The following KCNQ3 variants were observed in gnomAD, a reference collection of about 807,000 sequenced individuals.
KCNQ3 encodes the protein potassium voltage-gated channel subfamily KQT member 3.
A neutral mutation model predicts 92.5 loss-of-function variants in KCNQ3; 30 were observed. That is an observed-to-expected ratio of 0.32 (90% CI 0.24 to 0.44). The LOEUF (loss-of-function observed/expected upper bound fraction) is 0.44. Among genes scored for constraint, KCNQ3 ranks in the 20% least tolerant of loss-of-function variants. KCNQ3 has a pLI of 1.00. For synonymous variants in KCNQ3, 450 were observed against 468.8 expected (o/e 0.96, Z 0.52); for missense variants, 913 against 1,140.3 (o/e 0.80, Z 2.87).
intron 1 of KCNQ3, among the ~76,000 whole-genome samples, chr8:132,357,063 G>A (rs1819037879): frequency 6.6e-6 from 1 of 152,182 alleles, no homozygotes; most frequent in Non-Finnish European, 1.5e-5. Context: ...AATTCTGGAA[G>A]TTGAGTCACT....
At chr8:132,169,170 C>T (rs1826232348) in intron 8 of KCNQ3, among the ~76,000 whole-genome samples, 2 of 152,146 alleles carry the variant, frequency 1.3e-5, no homozygotes, top group South Asian at 4.1e-4. Flanking sequence ...CAGCCTGGCT[C>T]CAGGTGTGGA....
At chr8:132,147,315 A>T (rs1317192001) in intron 9 of KCNQ3, among the ~76,000 whole-genome samples, 1 of 148,828 alleles carries the variant, frequency 6.7e-6, no homozygotes, top group Non-Finnish European at 1.5e-5. Flanking sequence ...AAGTTGTGCA[A>T]TCACATAGGT....
chr8:132,130,593 T>G (rs924756425), intron 14 of KCNQ3, among the ~76,000 whole-genome samples: 12 of 152,342 alleles, frequency 7.9e-5, no homozygotes, highest in Admixed American at 4.6e-4. Flanking sequence ...AGGCCTGCTG[T>G]GTCCCCTAGA....
At chr8:132,409,173 A>G (rs1301379678) in intron 1 of KCNQ3, among the ~76,000 whole-genome samples, 3 of 152,186 alleles carry the variant, frequency 2.0e-5, no homozygotes, top group Non-Finnish European at 4.4e-5. Flanking sequence ...AGACTACAGC[A>G]ATTCATAGCT....
intron 1 of KCNQ3, among the ~76,000 whole-genome samples, chr8:132,212,326 C>A (rs186009567): frequency 6.6e-6 from 1 of 152,100 alleles, no homozygotes; most frequent in African/African-American, 2.4e-5. Flanking sequence ...CTTAAAGGAG[C>A]GGGCACCTGT....
At chr8:132,384,206 T>C (rs1819834360) in intron 1 of KCNQ3, among the ~76,000 whole-genome samples, 1 of 152,202 alleles carries the variant, frequency 6.6e-6, no homozygotes. Flanking sequence ...TTTGTGTTCT[T>C]ATCTGTTCCC....
chr8:132,202,942 T>C (rs1403229978), intron 1 of KCNQ3, among the ~76,000 whole-genome samples: 1 of 151,256 alleles, frequency 6.6e-6, no homozygotes, highest in Non-Finnish European at 1.5e-5. Flanking sequence ...TTTTGTTTTG[T>C]CATAATAGAA....
chr8:132,329,798 A>C (rs560742848), intron 1 of KCNQ3, among the ~76,000 whole-genome samples: 1 of 152,332 alleles, frequency 6.6e-6, no homozygotes, highest in South Asian at 2.1e-4. Context: ...AGGCCTAAGA[A>C]GACAAGGAAC....
At chr8:132,282,931 G>A (rs1000264119) in intron 1 of KCNQ3, among the ~76,000 whole-genome samples, 1 of 152,164 alleles carries the variant, frequency 6.6e-6, no homozygotes, top group Non-Finnish European at 1.5e-5. Context: ...GAGAGAGCCA[G>A]GATACGAGAG....
chr8:132,460,115 A>G (rs2403775), intron 1 of KCNQ3, among the ~76,000 whole-genome samples: 97,917 of 151,796 alleles, frequency 0.65, 31,764 homozygotes, highest in Middle Eastern at 0.72. Context: ...CTCACCTTGT[A>G]TATATTTCCT....
At chr8:132,342,592 G>A (rs552945138) in intron 1 of KCNQ3, among the ~76,000 whole-genome samples, 4 of 152,266 alleles carry the variant, frequency 2.6e-5, no homozygotes, top group African/African-American at 9.6e-5. Flanking sequence ...TCCCTACTCA[G>A]CGTCAGCTAG....
At position 132,129,746 on chromosome 8, in the gene KCNQ3, A is replaced by C; in HGVS notation, c.2135T>G (p.Phe712Cys). The C allele has an allele frequency of 6.2e-7, 1 of 1,614,134 alleles. No individual in the cohort carries two copies. Among genetic ancestry groups the C allele is most frequent in the Non-Finnish European group, 8.5e-7 (1 of 1,180,040 alleles). Residue 712 changes from phenylalanine to cysteine, a missense_variant, in exon 15 of 15, where the codon TTT becomes TGT. By Grantham distance (205) the Phe-to-Cys change is radical. This residue lies in a region of KCNQ3 where 375 missense variants were observed against 376.4 expected (regional missense o/e 1.00). Coordinates refer to ENST00000388996, the MANE Select transcript of KCNQ3 (RefSeq NM_004519.4). The surrounding 1 kb of genome is among the most constrained non-coding windows in gnomAD (Gnocchi z 5.9). ...CAGGTTCACAGGGTCATGTGCAAAA[A>C]ACCCATAGGGGCTGACTTTGTCAAT... The part of the protein sequence containing the change: ...VTIDKVSPYG[F>C]FAHDPVNLPR...
chr8:132,135,917 C>T (rs537030094), intron 12 of KCNQ3, among the ~76,000 whole-genome samples: 6 of 151,816 alleles, frequency 4.0e-5, no homozygotes, highest in Admixed American at 1.3e-4. Context: ...GTCAGAAGTT[C>T]GAGATCAGCC....
At chr8:132,292,955 G>A (rs7832719) in intron 1 of KCNQ3, among the ~76,000 whole-genome samples, 3,950 of 151,366 alleles carry the variant, frequency 0.026, 190 homozygotes, top group African/African-American at 0.09. Flanking sequence ...TAGATTATGC[G>A]CTTTTTGTCC....
intron 1 of KCNQ3, among the ~76,000 whole-genome samples, chr8:132,350,925 G>C (rs776491244): frequency 1.3e-5 from 2 of 152,078 alleles, no homozygotes; most frequent in Non-Finnish European, 2.9e-5. Flanking sequence ...CTATTCGTGT[G>C]GCTAATGACA....
chr8:132,373,414 T>C (rs894569358), intron 1 of KCNQ3, among the ~76,000 whole-genome samples: 2 of 152,174 alleles, frequency 1.3e-5, no homozygotes, highest in East Asian at 1.9e-4. Context: ...CTAAGAATCA[T>C]ATAATAAGAT....
chr8:132,463,608 G>A (rs187242109), intron 1 of KCNQ3, among the ~76,000 whole-genome samples: 5 of 152,298 alleles, frequency 3.3e-5, no homozygotes, highest in East Asian at 3.9e-4. Context: ...CTAGGCAAGT[G>A]TTTTTCATGG....
intron 1 of KCNQ3, among the ~76,000 whole-genome samples, chr8:132,187,023 A>G (rs2130190054): frequency 6.8e-6 from 1 of 146,100 alleles, no homozygotes; most frequent in Non-Finnish European, 1.5e-5. Flanking sequence ...TGTTTTACCA[A>G]GGAAAATGGT....
rs979179957 is a variant in KCNQ3 at position 132,199,193 on chromosome 8, TA to T, written c.387-13013del. ...GGTGACGATCTTGCAAGAAAAATAA[TA>T]AAAAAAAACCAACTGATACTTTAAA... On this transcript the variant is annotated intron_variant, in intron 1 of 14. Coordinates refer to ENST00000388996, the MANE Select transcript of KCNQ3 (RefSeq NM_004519.4). Among the ~76,000 whole-genome samples, 516 of 151,230 alleles carry T rather than the reference TA, an allele frequency of 3.4e-3. 3 individuals carry two copies. The highest frequency in any genetic ancestry group is 0.012 in the African/African-American group (497 of 41,278).
Sources: allele counts gnomAD v4.1 joint callset (sites outside exome capture counted in the v4.1 genomes callset), GRCh38; gene constraint gnomAD v4.1.1; regional missense constraint gnomAD v4.1.1; non-coding constraint Gnocchi (gnomAD v3.1); transcripts MANE v1.5; gene names NCBI Gene and HGNC (gene_info 2026-07-23, HGNC 2026-07-21).